The following ARHGAP28 variants were observed in gnomAD, a reference collection of about 807,000 sequenced individuals.
The protein encoded by ARHGAP28 is rho GTPase-activating protein 28.
A neutral mutation model predicts 90.7 loss-of-function variants in ARHGAP28; 56 were observed. The ratio of observed to expected loss-of-function variants is 0.62; its 90% CI spans 0.50 to 0.77. The LOEUF (loss-of-function observed/expected upper bound fraction) is 0.77. ARHGAP28 is among the 30% of genes least tolerant of loss of function. The pLI, the probability that ARHGAP28 is intolerant of heterozygous loss-of-function variation, is 0.00. For missense variants in ARHGAP28, 869 were observed against 900.9 expected, an observed-to-expected ratio of 0.96 and a Z score of 0.45; for synonymous variants, 308 against 323.3, an observed-to-expected ratio of 0.95 and a Z score of 0.51.
At position 6,873,724 on chromosome 18, in the gene ARHGAP28, C is replaced by T. The variant is rs748740104; in HGVS notation, c.1161C>T (p.Asp387=). 8.7e-6 allele frequency: 14 copies of T among 1,613,740 alleles called. No homozygotes were observed. The highest frequency in any genetic ancestry group is 1.6e-4 in the Middle Eastern group (1 of 6,084). Residue 387 remains aspartate (D), a synonymous_variant, in exon 9 of 18, where the codon GAC becomes GAT. Coordinates refer to ENST00000383472, the MANE Select transcript of ARHGAP28 (RefSeq NM_001366230.1). ...GAGTTCCACTTACAGTCCTCCTGGA[C>T]GGTGACCGAAAGAAAGACCCTGGAG... The part of the protein sequence containing the change: ...IFGVPLTVLL[D]GDRKKDPGVK...
intron 1 of ARHGAP28, among the ~76,000 whole-genome samples, chr18:6,793,768 G>T (rs1037036709): frequency 6.6e-6 from 1 of 151,884 alleles, no homozygotes; most frequent in East Asian, 1.9e-4. Flanking sequence ...AGAGGGACCC[G>T]TGAAGGCTAA....
At chr18:6,761,422 G>T (rs368704147) in intron 1 of ARHGAP28, among the ~76,000 whole-genome samples, 6 of 152,280 alleles carry the variant, frequency 3.9e-5, no homozygotes, top group African/African-American at 1.4e-4. Context: ...AGTTGGAAAG[G>T]CTGCTTATGT....
intron 1 of ARHGAP28, among the ~76,000 whole-genome samples, chr18:6,758,602 G>A (rs538560491): frequency 8.0e-4 from 121 of 152,178 alleles, no homozygotes; most frequent in Non-Finnish European, 1.6e-3. Flanking sequence ...GGGATTACAG[G>A]CGTGAGCCAC....
At chr18:6,758,510 G>A (rs2056131736) in intron 1 of ARHGAP28, among the ~76,000 whole-genome samples, 1 of 152,222 alleles carries the variant, frequency 6.6e-6, no homozygotes. Flanking sequence ...TTTTAGCAGA[G>A]ATGGGGTGTC....
At chr18:6,763,620 C>T (rs1023779351) in intron 1 of ARHGAP28, among the ~76,000 whole-genome samples, 7 of 152,192 alleles carry the variant, frequency 4.6e-5, no homozygotes, top group African/African-American at 1.4e-4. Flanking sequence ...CTCAAAACTC[C>T]GGGAGCACAA....
At chr18:6,787,644 G>A (rs1335253799) in intron 1 of ARHGAP28, among the ~76,000 whole-genome samples, 1 of 152,200 alleles carries the variant, frequency 6.6e-6, no homozygotes, top group Non-Finnish European at 1.5e-5. Context: ...TGCAGGCAAA[G>A]CAATGGCAGT....
chr18:6,873,735 A>G lies in ARHGAP28; in HGVS notation c.1172A>G (p.Lys391Arg). 2 of 1,614,130 alleles carry G rather than the reference A, an allele frequency of 1.2e-6. No homozygotes were observed. The highest frequency in any genetic ancestry group is 1.7e-6 in the Non-Finnish European group (2 of 1,180,006). Reference sequence around the variant, plus strand: ...ACAGTCCTCCTGGACGGTGACCGAAAGAAAGACCCTGGAGTGAAAGTTCCC... The same window carrying G: ...ACAGTCCTCCTGGACGGTGACCGAAGGAAAGACCCTGGAGTGAAAGTTCCC... Reference protein sequence around the residue: ...PLTVLLDGDRKKDPGVKVPLV... With the variant: ...PLTVLLDGDRRKDPGVKVPLV... The change falls in exon 9 of 18, where the codon AAG becomes AGG. Residue 391 changes from lysine (K) to arginine (R), a missense_variant. By Grantham distance (26) the Lys-to-Arg change is conservative. Transcript: ENST00000383472.
intron 1 of ARHGAP28, among the ~76,000 whole-genome samples, chr18:6,812,029 G>A (rs940712824): frequency 6.6e-6 from 1 of 152,158 alleles, no homozygotes; most frequent in African/African-American, 2.4e-5. Context: ...TACTTTTGCA[G>A]GTTGTTTTCT....
intron 16 of ARHGAP28, among the ~76,000 whole-genome samples, chr18:6,901,081 C>T (rs1386361420): frequency 6.6e-6 from 1 of 152,072 alleles, no homozygotes; most frequent in African/African-American, 2.4e-5. Context: ...TAAACATTCT[C>T]AGATGAAGGA....
intron 2 of ARHGAP28, chr18:6,834,485 AG>A (rs1408682006): frequency 6.6e-6 from 1 of 152,278 alleles, no homozygotes; most frequent in African/African-American, 2.4e-5. Flanking sequence ...AAAGTAGGCC[AG>A]TATTGCCAGA....
rs1205185962 is a variant in ARHGAP28 at position 6,912,862 on chromosome 18, GA to G, written c.*710del. On this transcript the variant is annotated 3_prime_UTR_variant, in exon 18 of 18. Coordinates refer to ENST00000383472, the MANE Select transcript of ARHGAP28 (RefSeq NM_001366230.1). ...TTCTATGAGCACAGGTCCTCCTAGT[GA>G]AGCTTAGTTTGACAAAGGGTGTCAT... The G allele has an allele frequency of 9.2e-5, 14 of 152,200 alleles. No homozygotes were observed. Among genetic ancestry groups the G allele is most frequent in the African/African-American group, 3.1e-4 (13 of 41,454 alleles). 9.4% of individuals were successfully genotyped at this position (152,200 alleles called of 1,614,324 possible). A position where few individuals can be genotyped will look rare whatever the true frequency, so the allele number is the denominator to read the frequency against.
At chr18:6,794,185 C>A (rs940076387) in intron 1 of ARHGAP28, among the ~76,000 whole-genome samples, 1 of 152,210 alleles carries the variant, frequency 6.6e-6, no homozygotes, top group African/African-American at 2.4e-5. Context: ...ATGATAAATT[C>A]TTCTTTCCCA....
chr18:6,854,991 G>A (rs1204216346), intron 4 of ARHGAP28, among the ~76,000 whole-genome samples: 1 of 152,160 alleles, frequency 6.6e-6, no homozygotes, highest in African/African-American at 2.4e-5. Flanking sequence ...TGCCCCCTTG[G>A]CCCCCCTCAG....
At chr18:6,862,173 G>A (rs1223231924) in intron 5 of ARHGAP28, among the ~76,000 whole-genome samples, 13 of 152,112 alleles carry the variant, frequency 8.5e-5, no homozygotes, top group Non-Finnish European at 1.6e-4. Flanking sequence ...CTACATTTTG[G>A]GCCCTGTGCT....
intron 1 of ARHGAP28, among the ~76,000 whole-genome samples, chr18:6,793,504 C>T (rs1483640907): frequency 2.0e-5 from 3 of 152,096 alleles, no homozygotes; most frequent in South Asian, 2.1e-4. Context: ...GTTAAATTTA[C>T]GGCTCTAAGG....
chr18:6,911,999 G>A, intron 17 of ARHGAP28, 61 bp from the exon 18 acceptor site: 7 of 1,080,396 alleles, frequency 6.5e-6, no homozygotes, highest in Non-Finnish European at 8.1e-6. Flanking sequence ...AGACACATAT[G>A]TGTGCGCACG....
At chr18:6,819,510 A>G (rs897805359) in intron 1 of ARHGAP28, among the ~76,000 whole-genome samples, 26 of 152,174 alleles carry the variant, frequency 1.7e-4, no homozygotes, top group African/African-American at 6.0e-4. Context: ...GCCAAAGGTC[A>G]TACCTGTCTA....
At chr18:6,898,560 G>A (rs1263521051) in intron 16 of ARHGAP28, 2 of 1,613,094 alleles carry the variant, frequency 1.2e-6, no homozygotes, top group Non-Finnish European at 1.7e-6. Flanking sequence ...TATTGGCCTG[G>A]ACATCTCCAC....
chr18:6,739,522 A>AAT (rs2055956650), intron 1 of ARHGAP28, among the ~76,000 whole-genome samples: 1 of 150,756 alleles, frequency 6.6e-6, no homozygotes, highest in South Asian at 2.1e-4. Context: ...ATATATTAAG[A>AAT]ATATATATAT....
Sources: gnomAD v4.1 joint callset for allele counts (sites outside exome capture counted in the v4.1 genomes callset) on GRCh38, gnomAD v4.1.1 for gene constraint, MANE v1.5 for transcripts, NCBI Gene and HGNC (gene_info 2026-07-23, HGNC 2026-07-21) for gene names.